The following ROR1 variants were observed in gnomAD, a reference collection of about 807,000 sequenced individuals.
ROR1 encodes the protein ROR family WNT receptor 1.
In ROR1, 19 loss-of-function variants were observed where a neutral mutation model predicts 78.8. The ratio of observed to expected loss-of-function variants is 0.24; its 90% confidence interval spans 0.17 to 0.35. ROR1 has a LOEUF of 0.35. Among genes scored for constraint, ROR1 ranks in the 10% least tolerant of loss-of-function variants. The pLI, the probability that ROR1 is intolerant of heterozygous loss-of-function variation, is 1.00. For synonymous variants in ROR1, 386 were observed against 433.6 expected, an observed-to-expected ratio of 0.89 and a Z score of 1.36; for missense variants, 917 against 1,177.8, an observed-to-expected ratio of 0.78 and a Z score of 3.24.
At chr1:64,164,159 AT>A in intron 8 of ROR1, among the ~76,000 whole-genome samples, 1 of 151,996 alleles carries the variant, frequency 6.6e-6, no homozygotes, top group South Asian at 2.1e-4. Context: ...TCTTGAGCTG[AT>A]TTCATCCTCT....
intron 1 of ROR1, among the ~76,000 whole-genome samples, chr1:63,790,988 T>C (rs1644722954): frequency 6.6e-6 from 1 of 152,224 alleles, no homozygotes; most frequent in Admixed American, 6.5e-5. Flanking sequence ...ACATCTTTCC[T>C]TCATGCAGGA....
At chr1:63,867,922 G>C (rs932042472) in intron 1 of ROR1, among the ~76,000 whole-genome samples, 2 of 152,180 alleles carry the variant, frequency 1.3e-5, no homozygotes, top group African/African-American at 4.8e-5. Flanking sequence ...GGTTACTGCC[G>C]AGCATGGCCA....
chr1:64,116,863 T>C (rs554939186), intron 4 of ROR1, among the ~76,000 whole-genome samples: 35 of 152,276 alleles, frequency 2.3e-4, no homozygotes, highest in African/African-American at 8.4e-4. Context: ...GCACTGAATG[T>C]GTTACACTTA....
chr1:63,828,589 T>C (rs566471407), intron 1 of ROR1, among the ~76,000 whole-genome samples: 2 of 152,344 alleles, frequency 1.3e-5, no homozygotes, highest in African/African-American at 4.8e-5. Context: ...ATCCTCCTGA[T>C]AGGCTAAGGA....
chr1:64,162,070 AAAAC>A (rs1349168711), intron 8 of ROR1, among the ~76,000 whole-genome samples: 3 of 152,224 alleles, frequency 2.0e-5, no homozygotes, highest in African/African-American at 7.2e-5. Context: ...AAAAGTCCTG[AAAAC>A]AAACACTCCA....
At chr1:63,838,122 A>G (rs1219157484) in intron 1 of ROR1, among the ~76,000 whole-genome samples, 2 of 152,192 alleles carry the variant, frequency 1.3e-5, no homozygotes, top group African/African-American at 4.8e-5. Flanking sequence ...ACCTAATTGT[A>G]TAATGATAAT....
At chr1:63,875,012 A>C (rs894883703) in intron 1 of ROR1, among the ~76,000 whole-genome samples, 1 of 152,100 alleles carries the variant, frequency 6.6e-6, no homozygotes, top group Non-Finnish European at 1.5e-5. Flanking sequence ...CATTTGCTGG[A>C]CCTTTTGGGG....
intron 2 of ROR1, among the ~76,000 whole-genome samples, chr1:64,011,956 A>C (rs182412215): frequency 1.3e-5 from 2 of 152,206 alleles, no homozygotes; most frequent in South Asian, 2.1e-4. Context: ...CTTCTGGTCA[A>C]TTTGGTAGAT....
intron 4 of ROR1, among the ~76,000 whole-genome samples, chr1:64,107,195 C>G (rs951827167): frequency 6.6e-6 from 1 of 152,052 alleles, no homozygotes; most frequent in Non-Finnish European, 1.5e-5. Flanking sequence ...TTTAGAATAA[C>G]CTTTTCAGTA....
intron 8 of ROR1, among the ~76,000 whole-genome samples, chr1:64,161,497 C>T (rs1011892382): frequency 3.9e-5 from 6 of 152,206 alleles, no homozygotes; most frequent in African/African-American, 1.2e-4. Flanking sequence ...GCATGGCAGT[C>T]TCTGAATGAT....
chr1:64,177,392 A>G (rs973893776), intron 8 of ROR1, 36 bp from the exon 9 acceptor site: 16 of 1,512,788 alleles, frequency 1.1e-5, no homozygotes, highest in African/African-American at 1.4e-5. Context: ...GCCTGAAGAT[A>G]TGTTTTAAAC....
Position 64,178,795 on chromosome 1 carries a change from T to G in ROR1, c.2754T>G (p.Ser918=), listed in dbSNP as rs1427635650. ...ACAAAATTGACTCAAAGCAAGCATCTTTACTAGGAGACGCCAATATTCATG... is the reference window on the plus strand; with the variant it reads ...ACAAAATTGACTCAAAGCAAGCATCGTTACTAGGAGACGCCAATATTCATG... ...KPYKIDSKQA[S]LLGDANIHGH... Residue 918 remains serine (S), a synonymous_variant, in exon 9 of 9, where the codon TCT becomes TCG. Transcript: ENST00000371079. The surrounding 1 kb of genome is among the most constrained non-coding windows in gnomAD (Gnocchi z 4.3). The G allele has an allele frequency of 6.2e-7, 1 of 1,613,990 alleles. No individual in the cohort carries two copies. The highest frequency in any genetic ancestry group is 1.3e-5 in the African/African-American group (1 of 74,910).
At chr1:64,119,435 T>C (rs1262923572) in intron 4 of ROR1, among the ~76,000 whole-genome samples, 2 of 151,952 alleles carry the variant, frequency 1.3e-5, no homozygotes, top group Non-Finnish European at 2.9e-5. Flanking sequence ...GGTCAGCAGT[T>C]CCAGACTGGC....
intron 1 of ROR1, among the ~76,000 whole-genome samples, chr1:63,916,017 A>G (rs1412241471): frequency 6.6e-6 from 1 of 152,162 alleles, no homozygotes; most frequent in Non-Finnish European, 1.5e-5. Context: ...TAGACACTCT[A>G]GAATGGTTCA....
chr1:64,143,323 C>T (rs1649381970), intron 7 of ROR1: 2 of 938,840 alleles, frequency 2.1e-6, no homozygotes, highest in Non-Finnish European at 2.5e-6. Context: ...GGGTTCAAGA[C>T]CAGCCCAGGC....
intron 4 of ROR1, among the ~76,000 whole-genome samples, chr1:64,075,689 A>G (rs1322267569): frequency 6.6e-6 from 1 of 152,176 alleles, no homozygotes; most frequent in Non-Finnish European, 1.5e-5. Flanking sequence ...TTCCTAATGT[A>G]TATGTTCTCC....
At chr1:64,057,614 C>A (rs1182655877) in intron 4 of ROR1, among the ~76,000 whole-genome samples, 1 of 152,164 alleles carries the variant, frequency 6.6e-6, no homozygotes, top group African/African-American at 2.4e-5. Context: ...CTGATTGGAT[C>A]AGGCCCACCC....
At chr1:64,142,261 G>A in intron 6 of ROR1, 144 bp from the exon 7 acceptor site, 2 of 1,341,846 alleles carry the variant, frequency 1.5e-6, no homozygotes, top group East Asian at 2.5e-5. Context: ...CAGGGAGACT[G>A]TCCTGCATGG....
chr1:63,873,206 G>A (rs894314224), intron 1 of ROR1, among the ~76,000 whole-genome samples: 23 of 152,122 alleles, frequency 1.5e-4, no homozygotes, highest in South Asian at 4.1e-4. Flanking sequence ...ATGGAGACAC[G>A]TACCTTCCAC....
Sources: allele counts gnomAD v4.1 joint callset (sites outside exome capture counted in the v4.1 genomes callset), GRCh38; gene constraint gnomAD v4.1.1; non-coding constraint Gnocchi (gnomAD v3.1); transcripts MANE v1.5; gene names NCBI Gene and HGNC (gene_info 2026-07-23, HGNC 2026-07-21).